PPP3CA: variants seen among roughly 807,000 people sequenced by gnomAD.
PPP3CA encodes CAM-PRP catalytic subunit.
In PPP3CA, 14 loss-of-function variants were observed where a neutral mutation model predicts 66.5. That is an observed-to-expected ratio of 0.21 (90% confidence interval 0.14 to 0.33). The LOEUF is 0.33. PPP3CA is among the 10% of genes least tolerant of loss of function. PPP3CA has a pLI of 1.00. For missense variants in PPP3CA, 317 were observed against 639.5 expected, an observed-to-expected ratio of 0.50 and a Z score of 5.44; for synonymous variants, 232 against 226.2, an observed-to-expected ratio of 1.03 and a Z score of -0.23.
chr4:101,186,916 C>G (rs191561513), intron 2 of PPP3CA, among the ~76,000 whole-genome samples: 1 of 152,080 alleles, frequency 6.6e-6, no homozygotes, highest in African/African-American at 2.4e-5. Flanking sequence ...GTAACAGATA[C>G]AGCAATAACA....
chr4:101,195,538 T>C (rs1353948851), intron 2 of PPP3CA, among the ~76,000 whole-genome samples: 1 of 152,180 alleles, frequency 6.6e-6, no homozygotes, highest in Non-Finnish European at 1.5e-5. Flanking sequence ...TGAAAACCAC[T>C]GTTTTAACTT....
intron 2 of PPP3CA, among the ~76,000 whole-genome samples, chr4:101,177,418 G>A (rs1223096932): frequency 6.6e-6 from 1 of 152,054 alleles, no homozygotes; most frequent in Non-Finnish European, 1.5e-5. Context: ...AATCTCTCGG[G>A]ATTCCTGATT....
intron 2 of PPP3CA, among the ~76,000 whole-genome samples, chr4:101,148,004 C>T (rs1235534893): frequency 1.3e-5 from 2 of 152,128 alleles, no homozygotes; most frequent in Non-Finnish European, 2.9e-5. Flanking sequence ...TGGTCTAGGA[C>T]ATATTGTAGA....
chr4:101,105,878 G>T lies in PPP3CA; in HGVS notation c.384+3076C>A, dbSNP rs192820989. Among the ~76,000 whole-genome samples, 250 of 152,236 alleles carry T rather than the reference G, an allele frequency of 1.6e-3. 3 individuals carry two copies. Among genetic ancestry groups the T allele is most frequent in the African/African-American group, 5.8e-3 (241 of 41,538 alleles). ...AATCACTCCAACATGATAGTCTTGG[G>T]ATTTCCTCACTTAGAATGCAAGCTT... On this transcript the variant is annotated intron_variant, in intron 3 of 13. Transcript: ENST00000394854.
chr4:101,201,353 T>C (rs1254672342), intron 1 of PPP3CA, among the ~76,000 whole-genome samples: 2 of 152,188 alleles, frequency 1.3e-5, no homozygotes, highest in Non-Finnish European at 2.9e-5. Flanking sequence ...GGTTGCACAC[T>C]GAGAATTGCT....
intron 2 of PPP3CA, among the ~76,000 whole-genome samples, chr4:101,195,615 G>A (rs1182324353): frequency 2.0e-5 from 3 of 152,114 alleles, no homozygotes; most frequent in African/African-American, 7.2e-5. Flanking sequence ...TGAATATCCT[G>A]TGTGCCACTT....
chr4:101,063,165 T>A, intron 9 of PPP3CA, 67 bp downstream of exon 9: 1 of 1,536,056 alleles, frequency 6.5e-7, no homozygotes, highest in South Asian at 1.2e-5. Flanking sequence ...TCTTTCTGAG[T>A]GTTTAATCTC....
intron 3 of PPP3CA, among the ~76,000 whole-genome samples, chr4:101,100,495 C>T (rs1730396550): frequency 6.6e-6 from 1 of 152,074 alleles, no homozygotes; most frequent in South Asian, 2.1e-4. Flanking sequence ...GCATTGCAGT[C>T]TGTAAAAATG....
intron 10 of PPP3CA, among the ~76,000 whole-genome samples, chr4:101,049,662 C>A (rs959430538): frequency 6.6e-6 from 1 of 151,928 alleles, no homozygotes; most frequent in Admixed American, 6.6e-5. Context: ...CAGACTGGAA[C>A]TTAATTCTGG....
intron 1 of PPP3CA, among the ~76,000 whole-genome samples, 162 bp downstream of exon 1, chr4:101,346,577 G>A (rs1386993409): frequency 2.0e-5 from 3 of 152,132 alleles, no homozygotes; most frequent in East Asian, 1.9e-4. Flanking sequence ...GGGGGCGGGG[G>A]GTTCGCGGGG....
At position 101,093,727 on chromosome 4, in the gene PPP3CA, T is replaced by A. The variant is rs771427338; in HGVS notation, c.782+49A>T. The stretch of plus-strand genomic sequence containing the variant: ...ATCAAACACATGGACTGATAAATCC[T>A]AGCATTATGATGCAAACGTGTTCCA... On this transcript the variant is annotated intron_variant, in intron 6 of 13. Coordinates refer to ENST00000394854, the MANE Select transcript of PPP3CA (RefSeq NM_000944.5). 2.0e-6 allele frequency: 3 copies of A among 1,503,574 alleles called. No homozygotes were observed. The South Asian group carries it at 4.2e-5, about 21-fold the overall frequency. The allele number at this position is 1,503,574 out of a possible 1,614,324, so 93.1% of individuals were successfully genotyped here.
intron 2 of PPP3CA, among the ~76,000 whole-genome samples, chr4:101,186,824 C>T (rs1724425265): frequency 6.6e-6 from 1 of 152,072 alleles, no homozygotes; most frequent in African/African-American, 2.4e-5. Flanking sequence ...TATAAGGTGT[C>T]TATACTTCTA....
intron 2 of PPP3CA, among the ~76,000 whole-genome samples, chr4:101,117,835 T>C (rs926402529): frequency 1.3e-5 from 2 of 151,998 alleles, no homozygotes; most frequent in African/African-American, 2.4e-5. Context: ...TACAAGGTCC[T>C]TGATTATCAT....
chr4:101,102,488 A>T (rs553224605), intron 3 of PPP3CA, among the ~76,000 whole-genome samples: 49 of 152,268 alleles, frequency 3.2e-4, no homozygotes, highest in African/African-American at 1.2e-3. Flanking sequence ...TAAAACCACA[A>T]AGGCAGCCAA....
chr4:101,174,011 C>G (rs1374875979), intron 2 of PPP3CA, among the ~76,000 whole-genome samples: 1 of 151,940 alleles, frequency 6.6e-6, no homozygotes, highest in East Asian at 1.9e-4. Context: ...ATGACTACAC[C>G]ACTGAACTCC....
At chr4:101,217,743 A>C (rs1725500153) in intron 1 of PPP3CA, among the ~76,000 whole-genome samples, 1 of 152,120 alleles carries the variant, frequency 6.6e-6, no homozygotes, top group Non-Finnish European at 1.5e-5. Flanking sequence ...ATACATCCCC[A>C]AATCTACAGG....
intron 11 of PPP3CA, among the ~76,000 whole-genome samples, chr4:101,038,666 C>A (rs1727369753): frequency 6.6e-6 from 1 of 152,106 alleles, no homozygotes; most frequent in African/African-American, 2.4e-5. Context: ...CCACGCCCGG[C>A]CACTTTATTT....
intron 1 of PPP3CA, among the ~76,000 whole-genome samples, chr4:101,202,138 T>C (rs142973881): frequency 1.9e-3 from 289 of 152,320 alleles, no homozygotes; most frequent in East Asian, 0.014. Flanking sequence ...CCTAAGGTTA[T>C]GTCTGAATTC....
intron 2 of PPP3CA, among the ~76,000 whole-genome samples, chr4:101,145,105 T>G (rs536647298): frequency 6.6e-6 from 1 of 152,278 alleles, no homozygotes; most frequent in African/African-American, 2.4e-5. Context: ...TGGACTGTGA[T>G]GTACACATTT....
Sources: allele counts gnomAD v4.1 joint callset (sites outside exome capture counted in the v4.1 genomes callset), GRCh38; gene constraint gnomAD v4.1.1; transcripts MANE v1.5; gene names NCBI Gene and HGNC (gene_info 2026-07-23, HGNC 2026-07-21).